The following PLA2G4A variants were observed in gnomAD, a reference collection of about 807,000 sequenced individuals.
PLA2G4A encodes cytosolic phospholipase A2.
A neutral mutation model predicts 81.9 loss-of-function variants in PLA2G4A; 40 were observed. The ratio of observed to expected loss-of-function variants is 0.49; its 90% CI spans 0.38 to 0.64. The LOEUF (loss-of-function observed/expected upper bound fraction) is 0.64. PLA2G4A is among the 30% of genes least tolerant of loss of function. The probability of loss-of-function intolerance (pLI) is 0.00; values close to 1 mark genes in which losing one functional copy is unlikely to be tolerated. For missense variants in PLA2G4A, 715 were observed against 905.1 expected, an observed-to-expected ratio of 0.79 and a Z score of 2.69; for synonymous variants, 302 against 296.9, an observed-to-expected ratio of 1.02 and a Z score of -0.18.
chr1:186,860,228 A>G (rs1198553490), intron 2 of PLA2G4A, among the ~76,000 whole-genome samples: 3 of 152,126 alleles, frequency 2.0e-5, no homozygotes, highest in Non-Finnish European at 4.4e-5. Flanking sequence ...TTATTATGAG[A>G]CATTAATTAA....
chr1:186,893,076 A>G lies in PLA2G4A; in HGVS notation c.181A>G (p.Arg61Gly). The change falls in exon 4 of 18, where the codon AGA becomes GGA. Residue 61 changes from arginine (R) to glycine (G), a missense_variant. Physicochemically the swap from Arg to Gly is moderately radical, Grantham distance 125. Coordinates refer to ENST00000367466, the MANE Select transcript of PLA2G4A (RefSeq NM_024420.3). Reference protein sequence around the residue: ...STTPDSRKRTRHFNNDINPVW... With the variant: ...STTPDSRKRTGHFNNDINPVW... The stretch of plus-strand genomic sequence containing the variant: ...AACCCCTGACAGCAGGAAGAGAACA[A>G]GACATTTCAATAATGACATAAACCC... 6.2e-7 allele frequency: 1 copy of G among 1,609,536 alleles called. No individual in the cohort carries two copies. Among genetic ancestry groups the G allele is most frequent in the Non-Finnish European group, 8.5e-7 (1 of 1,175,798 alleles).
chr1:186,855,943 A>G (rs1395983473), intron 2 of PLA2G4A, among the ~76,000 whole-genome samples: 18 of 152,048 alleles, frequency 1.2e-4, no homozygotes, highest in Non-Finnish European at 2.6e-4. Flanking sequence ...GCTTTAAAAT[A>G]TGTCTTTATG....
At chr1:186,943,908 G>A (rs1450350868) in intron 10 of PLA2G4A, among the ~76,000 whole-genome samples, 1 of 152,144 alleles carries the variant, frequency 6.6e-6, no homozygotes, top group Non-Finnish European at 1.5e-5. Context: ...TATTTATGTA[G>A]TGTTTTTGAA....
chr1:186,857,295 T>C (rs1226296418), intron 2 of PLA2G4A, among the ~76,000 whole-genome samples: 17 of 117,708 alleles, frequency 1.4e-4, no homozygotes, highest in African/African-American at 5.6e-4. Flanking sequence ...ATTATATGTA[T>C]ATATTATATT....
intron 14 of PLA2G4A, among the ~76,000 whole-genome samples, chr1:186,957,950 A>G (rs1204294565): frequency 6.6e-6 from 1 of 152,246 alleles, no homozygotes; most frequent in Non-Finnish European, 1.5e-5. Context: ...GTAAAAACTT[A>G]AATGGGATAT....
At chr1:186,945,829 A>G (rs1053336376) in intron 10 of PLA2G4A, among the ~76,000 whole-genome samples, 3 of 152,196 alleles carry the variant, frequency 2.0e-5, no homozygotes, top group African/African-American at 7.2e-5. Context: ...ATGGGAATAC[A>G]TGAAACATAA....
chr1:186,891,848 A>G lies in PLA2G4A; in HGVS notation c.116-1163A>G, dbSNP rs113120535. On this transcript the variant is annotated intron_variant, in intron 3 of 17. Transcript: ENST00000367466. ...GATTGCTTGGTCATATGGTAGCTCT[A>G]TTTTTAGGTTTTTGAGGAACCTCCA... Among the ~76,000 whole-genome samples, 745 of 152,128 alleles carry G rather than the reference A, an allele frequency of 4.9e-3. 4 individuals carry two copies. Among genetic ancestry groups the G allele is most frequent in the African/African-American group, 0.017 (712 of 41,494 alleles).
At chr1:186,935,726 C>T (rs890122787) in intron 8 of PLA2G4A, among the ~76,000 whole-genome samples, 3 of 151,742 alleles carry the variant, frequency 2.0e-5, no homozygotes, top group African/African-American at 4.8e-5. Context: ...GGAAGGAATT[C>T]GGAAAGTCTT....
At chr1:186,880,017 T>A (rs1004489106) in intron 3 of PLA2G4A, among the ~76,000 whole-genome samples, 1 of 151,978 alleles carries the variant, frequency 6.6e-6, no homozygotes, top group Non-Finnish European at 1.5e-5. Context: ...AGGCCCTGTG[T>A]AAGAACTTTG....
chr1:186,915,938 C>A (rs1449606066), intron 7 of PLA2G4A, among the ~76,000 whole-genome samples: 1 of 152,026 alleles, frequency 6.6e-6, no homozygotes, highest in African/African-American at 2.4e-5. Context: ...TTCTTTTGAG[C>A]CAGGAATTCA....
intron 3 of PLA2G4A, among the ~76,000 whole-genome samples, chr1:186,872,776 G>A (rs1217126466): frequency 6.6e-6 from 1 of 152,040 alleles, no homozygotes; most frequent in African/African-American, 2.4e-5. Flanking sequence ...ATTACTAGAA[G>A]AATGAACCTG....
intron 7 of PLA2G4A, among the ~76,000 whole-genome samples, chr1:186,919,529 G>A (rs1288931462): frequency 1.3e-5 from 2 of 152,160 alleles, no homozygotes; most frequent in Non-Finnish European, 2.9e-5. Context: ...GGAGCAAGAT[G>A]CAGCCTAGGT....
intron 1 of PLA2G4A, 53 bp downstream of exon 1, chr1:186,829,088 C>T (rs117129024): frequency 6.6e-6 from 1 of 152,358 alleles, no homozygotes; most frequent in East Asian, 1.9e-4. Context: ...CTCCACTTCT[C>T]TCTCCCACCC....
chr1:186,931,906 G>C (rs1382202454), intron 7 of PLA2G4A, among the ~76,000 whole-genome samples: 1 of 152,128 alleles, frequency 6.6e-6, no homozygotes, highest in Non-Finnish European at 1.5e-5. Context: ...GAAACCCTAA[G>C]TCTGACCACC....
At chr1:186,863,776 T>TG (rs1210594098) in intron 2 of PLA2G4A, among the ~76,000 whole-genome samples, 12 of 132,978 alleles carry the variant, frequency 9.0e-5, no homozygotes, top group African/African-American at 1.8e-4. Flanking sequence ...TTTTTTTTTT[T>TG]TGGGGACAGA....
chr1:186,923,182 G>C (rs1382854010), intron 7 of PLA2G4A, among the ~76,000 whole-genome samples: 7 of 152,136 alleles, frequency 4.6e-5, no homozygotes, highest in Non-Finnish European at 1.0e-4. Context: ...CCTGTATCTT[G>C]CTTGTCAATA....
At chr1:186,941,077 C>T (rs867281812) in intron 10 of PLA2G4A, among the ~76,000 whole-genome samples, 5 of 145,934 alleles carry the variant, frequency 3.4e-5, no homozygotes, top group Admixed American at 1.4e-4. Flanking sequence ...CATGCCACTG[C>T]ACTCCAGCCG....
chr1:186,853,758 T>G (rs1014619609), intron 1 of PLA2G4A, among the ~76,000 whole-genome samples: 3 of 151,874 alleles, frequency 2.0e-5, no homozygotes, highest in Non-Finnish European at 4.4e-5. Flanking sequence ...TTTAACTGCT[T>G]CCAAATTAAA....
At chr1:186,882,273 G>A (rs1484268283) in intron 3 of PLA2G4A, among the ~76,000 whole-genome samples, 1 of 152,102 alleles carries the variant, frequency 6.6e-6, no homozygotes, top group Non-Finnish European at 1.5e-5. Flanking sequence ...AGTTGACTAG[G>A]GAAGTGGGGA....
Sources: allele counts gnomAD v4.1 joint callset (sites outside exome capture counted in the v4.1 genomes callset), GRCh38; gene constraint gnomAD v4.1.1; transcripts MANE v1.5; gene names NCBI Gene and HGNC (gene_info 2026-07-23, HGNC 2026-07-21).